Variants in EFCAB7 observed in about 807,000 individuals in gnomAD.
The protein encoded by EFCAB7 is EF-hand calcium-binding domain-containing protein 7.
EFCAB7 carries 66 observed loss-of-function variants against 77.1 expected under a neutral mutation model. The observed-to-expected ratio is 0.86, with a 90% CI of 0.70 to 1.05. The LOEUF (loss-of-function observed/expected upper bound fraction) is 1.05, where lower values mean the gene tolerates loss of function less well. EFCAB7 is among the 50% of genes least tolerant of loss of function. The pLI is 0.00. For missense variants in EFCAB7, 638 were observed against 730.5 expected (o/e 0.87, Z 1.46); for synonymous variants, 225 against 243.3 (o/e 0.92, Z 0.70).
chr1:63,531,050 C>G (rs1646686971), intron 2 of EFCAB7, among the ~76,000 whole-genome samples: 1 of 152,014 alleles, frequency 6.6e-6, no homozygotes, highest in Non-Finnish European at 1.5e-5. Context: ...TATACAGTAC[C>G]TTAATGCTAA....
chr1:63,580,946 A>C, the EFCAB7 span, among the ~76,000 whole-genome samples: 3 of 146,172 alleles, frequency 2.1e-5, no homozygotes, highest in South Asian at 2.2e-4. Flanking sequence ...TGTCCTAGGA[A>C]GGTTTTTTTT....
rs1362621925 is a variant in EFCAB7, at chr1:63,540,361, C to T, written c.805-5555C>T. Among the ~76,000 whole-genome samples the T allele has an allele frequency of 4.3e-5, 5 of 117,242 alleles. No homozygotes were observed. The South Asian group carries it at 8.9e-4, about 21-fold the overall frequency. 76.9% of individuals were successfully genotyped at this position (117,242 alleles called of 152,430 possible). ...CCTGGGTGACAGAGTGAGACTCCAT[C>T]TCAAAAAAAAAAAAAAAAAAAAAAA... is the stretch of plus-strand genomic sequence containing the variant. On this transcript the variant is annotated intron_variant, in intron 6 of 13. Coordinates refer to ENST00000371088, the MANE Select transcript of EFCAB7 (RefSeq NM_032437.4).
downstream of EFCAB7, among the ~76,000 whole-genome samples, chr1:63,575,978 A>G (rs913664133): frequency 1.3e-5 from 2 of 152,176 alleles, no homozygotes; most frequent in African/African-American, 4.8e-5. Flanking sequence ...TTGCAAGTTT[A>G]AGAGCATTCA....
downstream of EFCAB7, among the ~76,000 whole-genome samples, chr1:63,573,271 T>C (rs950894997): frequency 1.3e-5 from 2 of 152,046 alleles, no homozygotes; most frequent in African/African-American, 4.8e-5. Flanking sequence ...GAGATTAAGC[T>C]GAAGGAAGAT....
chr1:63,561,769 T>C lies in EFCAB7; in HGVS notation c.1409T>C (p.Met470Thr). ...CAAGGATTTATGGATTTGAATCTAA[T>C]GGAAGCTAATGATCGAGAAGGAGAT... is the stretch of plus-strand genomic sequence containing the variant. ...TRQGFMDLNL[M>T]EANDREGDPC... The change falls in exon 11 of 14, where the codon ATG becomes ACG. Residue 470 changes from methionine (M) to threonine (T), a missense_variant. Coordinates refer to ENST00000371088, the MANE Select transcript of EFCAB7 (RefSeq NM_032437.4). 6.2e-7 allele frequency: 1 copy of C among 1,610,788 alleles called. No individual in the cohort carries two copies. The highest frequency in any genetic ancestry group is 8.5e-7 in the Non-Finnish European group (1 of 1,177,690).
chr1:63,567,520 C>T (rs975104447), intron 11 of EFCAB7, among the ~76,000 whole-genome samples: 1 of 151,904 alleles, frequency 6.6e-6, no homozygotes, highest in African/African-American at 2.4e-5. Flanking sequence ...GAACAGAGAA[C>T]AGTGGGGGAG....
chr1:63,527,421 TC>T (rs1557667904), intron 2 of EFCAB7, among the ~76,000 whole-genome samples: 1 of 110,542 alleles, frequency 9.0e-6, no homozygotes, highest in Non-Finnish European at 1.8e-5. Flanking sequence ...ACACCTTTCA[TC>T]TATATCCTTC....
downstream of EFCAB7, among the ~76,000 whole-genome samples, chr1:63,574,551 G>A (rs952319754): frequency 3.3e-5 from 5 of 152,170 alleles, no homozygotes; most frequent in South Asian, 2.1e-4. Context: ...ATTGTCCTGA[G>A]CAATGGGATC....
the EFCAB7 span, among the ~76,000 whole-genome samples, chr1:63,578,441 C>A: frequency 7.2e-6 from 1 of 138,842 alleles, no homozygotes; most frequent in Admixed American, 7.7e-5. Context: ...GTACCTCTAA[C>A]ATACATTTTT....
chr1:63,582,095 T>C, the EFCAB7 span, among the ~76,000 whole-genome samples: 1 of 152,240 alleles, frequency 6.6e-6, no homozygotes, highest in African/African-American at 2.4e-5. Flanking sequence ...CACTGCATGC[T>C]GTGATGCTAA....
rs187552276 is a variant in EFCAB7, at chr1:63,556,568, A to C, written c.1215-546A>C. 7.1e-3 allele frequency among the ~76,000 whole-genome samples: 1,088 copies of C among 152,292 alleles called. 9 individuals carry two copies. Among genetic ancestry groups the C allele is most frequent in the South Asian group, 0.031 (152 of 4,828 alleles). ...AAAAAGAAGGGAACTACTACTATTCATTGAGTTCTTACTGTGTGTTGAGAT... is the reference window on the plus strand; with the variant it reads ...AAAAAGAAGGGAACTACTACTATTCCTTGAGTTCTTACTGTGTGTTGAGAT... On this transcript the variant is annotated intron_variant, in intron 9 of 13. Transcript: ENST00000371088.
chr1:63,569,593 G>A (rs1189212693), intron 12 of EFCAB7: 3 of 152,178 alleles, frequency 2.0e-5, no homozygotes, highest in African/African-American at 2.4e-5. Flanking sequence ...GGGAAACAGT[G>A]TAAGGCGAAA....
chr1:63,566,285 G>T (rs1384636818), intron 11 of EFCAB7, among the ~76,000 whole-genome samples: 1 of 152,212 alleles, frequency 6.6e-6, no homozygotes, highest in Non-Finnish European at 1.5e-5. Context: ...TTATAAGCGG[G>T]AGCTAAATGA....
At chr1:63,575,166 A>G (rs1265823763), downstream of EFCAB7, among the ~76,000 whole-genome samples, 2 of 152,146 alleles carry the variant, frequency 1.3e-5, no homozygotes, top group Admixed American at 1.3e-4. Context: ...CCAACTTTAA[A>G]GTTTTATAGT....
At chr1:63,546,247 CT>C (rs1472734391) in intron 7 of EFCAB7, among the ~76,000 whole-genome samples, 190 bp downstream of exon 7, 1 of 151,936 alleles carries the variant, frequency 6.6e-6, no homozygotes. Context: ...AAGTAGATTG[CT>C]TTATATGTTT....
In EFCAB7 at chr1:63,561,828, G is replaced by C; in HGVS notation, c.1468G>C (p.Gly490Arg). Residue 490 changes from glycine to arginine, a missense_variant, in exon 11 of 14, where the codon GGC (glycine) becomes CGC (arginine). Physicochemically the swap from Gly to Arg is moderately radical, Grantham distance 125. Coordinates refer to ENST00000371088, the MANE Select transcript of EFCAB7 (RefSeq NM_032437.4). The part of the protein sequence containing the change: ...CDLWVTLHSM[G>R]YNKALELTEA... ...CCTTTGGGTAACTCTACACTCTATG[G>C]GCTACAATAAAGCTCTGGAGTTGAC... The C allele has an allele frequency of 6.3e-7, 1 of 1,594,974 alleles. No homozygotes were observed. Among genetic ancestry groups the C allele is most frequent in the Non-Finnish European group, 8.5e-7 (1 of 1,169,822 alleles).
At chr1:63,532,221 A>G (rs1384516037) in intron 3 of EFCAB7, among the ~76,000 whole-genome samples, 190 bp downstream of exon 3, 1 of 152,116 alleles carries the variant, frequency 6.6e-6, no homozygotes, top group Admixed American at 6.5e-5. Context: ...AAGATAAAGT[A>G]TAAAATCGAG....
the EFCAB7 span, among the ~76,000 whole-genome samples, chr1:63,579,299 T>A: frequency 1.9e-4 from 29 of 152,326 alleles, no homozygotes; most frequent in Middle Eastern, 3.4e-3. Flanking sequence ...TTGAGAATGT[T>A]GTATAAGTGG....
intron 12 of EFCAB7, chr1:63,569,992 C>G (rs1047406442): frequency 6.6e-6 from 1 of 152,228 alleles, no homozygotes; most frequent in Non-Finnish European, 1.5e-5. Context: ...AAATTCAACT[C>G]TCTTCACCAA....
Sources: allele counts gnomAD v4.1 joint callset (sites outside exome capture counted in the v4.1 genomes callset), GRCh38; gene constraint gnomAD v4.1.1; transcripts MANE v1.5; gene names NCBI Gene and HGNC (gene_info 2026-07-23, HGNC 2026-07-21).